Variants in B3GLCT observed in about 807,000 individuals in gnomAD.
B3GLCT encodes the protein beta-1,3-glucosyltransferase.
In B3GLCT, 65 loss-of-function variants were observed where a neutral mutation model predicts 63.4. That is an observed-to-expected ratio of 1.03 (90% CI 0.84 to 1.26). The LOEUF is 1.26. B3GLCT is among the 50% of genes most tolerant of loss of function. B3GLCT has a pLI of 0.00. For missense variants in B3GLCT, 577 were observed against 604.8 expected, an observed-to-expected ratio of 0.95 and a Z score of 0.48; for synonymous variants, 233 against 219.2, an observed-to-expected ratio of 1.06 and a Z score of -0.55.
At chr13:31,243,114 G>T (rs1374700305) in intron 4 of B3GLCT, among the ~76,000 whole-genome samples, 1 of 152,180 alleles carries the variant, frequency 6.6e-6, no homozygotes, top group Non-Finnish European at 1.5e-5. Flanking sequence ...GCTCAGTTCA[G>T]TGCCTCAGAA....
chr13:31,282,150 G>C (rs1264051015), intron 10 of B3GLCT, among the ~76,000 whole-genome samples: 1 of 152,096 alleles, frequency 6.6e-6, no homozygotes, highest in Non-Finnish European at 1.5e-5. Context: ...TCAAAGTTTA[G>C]TATCTTTAGG....
intron 3 of B3GLCT, among the ~76,000 whole-genome samples, chr13:31,228,447 T>C (rs985173699): frequency 2.0e-5 from 3 of 152,204 alleles, no homozygotes; most frequent in Non-Finnish European, 2.9e-5. Context: ...CAGAAATGTA[T>C]TGTCTCACAG....
intron 1 of B3GLCT, among the ~76,000 whole-genome samples, chr13:31,211,659 A>C (rs1348208922): frequency 6.6e-6 from 1 of 151,946 alleles, no homozygotes; most frequent in Non-Finnish European, 1.5e-5. Flanking sequence ...ATCTAGTTTA[A>C]CTTAGCTCAG....
chr13:31,321,692 A>G (rs529359521), intron 13 of B3GLCT, among the ~76,000 whole-genome samples: 73 of 152,324 alleles, frequency 4.8e-4, no homozygotes, highest in Non-Finnish European at 8.8e-4. Context: ...CGAGTCAGAC[A>G]TGTAGGTTCC....
chr13:31,242,078 T>C (rs1870977407), intron 4 of B3GLCT, among the ~76,000 whole-genome samples: 1 of 152,220 alleles, frequency 6.6e-6, no homozygotes, highest in African/African-American at 2.4e-5. Context: ...TCTTGCCGTT[T>C]TGCAGAGAGG....
intron 1 of B3GLCT, among the ~76,000 whole-genome samples, chr13:31,214,707 A>AGAAG (rs1367818420): frequency 1.3e-5 from 2 of 152,248 alleles, no homozygotes; most frequent in African/African-American, 4.8e-5. Flanking sequence ...CCTTTGCTTA[A>AGAAG]GAAGGCACCA....
At chr13:31,213,011 T>C (rs1869350796) in intron 1 of B3GLCT, among the ~76,000 whole-genome samples, 1 of 141,898 alleles carries the variant, frequency 7.0e-6, no homozygotes, top group Admixed American at 7.0e-5. Flanking sequence ...GAAGAAATGA[T>C]TGGGCTTTGT....
intron 2 of B3GLCT, among the ~76,000 whole-genome samples, chr13:31,219,195 C>T (rs904610988): frequency 6.6e-6 from 1 of 152,144 alleles, no homozygotes; most frequent in African/African-American, 2.4e-5. Context: ...TAAAAATCTT[C>T]AACAAAAACG....
rs375699901 is a variant in B3GLCT, at chr13:31,234,576, C to T, written c.270+5282C>T. ...AAGGTGGCCAGGTGAGAGGTGGAAG[C>T]ACAGGTGTGTGGGCTGTGATGCTGT... On this transcript the variant is annotated intron_variant, in intron 4 of 14. Coordinates refer to ENST00000343307, the MANE Select transcript of B3GLCT (RefSeq NM_194318.4). Among the ~76,000 whole-genome samples, 34 of 152,192 alleles carry T rather than the reference C, an allele frequency of 2.2e-4. No homozygotes were observed. In the East Asian group the frequency reaches 6.4e-3, roughly 29 times the overall value.
At chr13:31,231,410 G>C (rs1483293959) in intron 4 of B3GLCT, among the ~76,000 whole-genome samples, 3 of 152,164 alleles carry the variant, frequency 2.0e-5, no homozygotes, top group African/African-American at 7.2e-5. Flanking sequence ...TCTTTTTGCA[G>C]ATACAGATTT....
rs370978491 is a variant in B3GLCT at position 31,229,204 on chromosome 13, C to T, written c.180C>T (p.Phe60=). The T allele has an allele frequency of 7.4e-5, 119 of 1,607,206 alleles. 1 individual carries two copies. The highest frequency in any genetic ancestry group is 5.7e-4 in the South Asian group (52 of 90,900). Reference sequence around the variant, plus strand: ...TTCTAGACTTAAAAGGAATTGTATTCGTCATCCAGAGTCAAAGTAATTCTT... The same window carrying T: ...TTCTAGACTTAAAAGGAATTGTATTTGTCATCCAGAGTCAAAGTAATTCTT... ...KNDIDLKGIV[F]VIQSQSNSFH... is the part of the protein sequence containing the mutation. Residue 60 remains phenylalanine, a synonymous_variant, in exon 4 of 15, where the codon TTC becomes TTT. Transcript: ENST00000343307.
chr13:31,258,958 CT>C (rs1031646520), intron 6 of B3GLCT, among the ~76,000 whole-genome samples: 1 of 152,084 alleles, frequency 6.6e-6, no homozygotes, highest in Non-Finnish European at 1.5e-5. Flanking sequence ...TGCCATAGCT[CT>C]TTTCTTCCCT....
intron 12 of B3GLCT, among the ~76,000 whole-genome samples, chr13:31,297,458 G>GA (rs1362845470): frequency 2.0e-5 from 3 of 150,874 alleles, no homozygotes; most frequent in South Asian, 2.1e-4. Context: ...AGTTGGTTAG[G>GA]AAAAAACTGA....
chr13:31,301,956 G>A (rs1874242703), intron 12 of B3GLCT, among the ~76,000 whole-genome samples: 1 of 152,078 alleles, frequency 6.6e-6, no homozygotes, highest in Non-Finnish European at 1.5e-5. Context: ...TGAGTCCCAT[G>A]GCTCTCCCCT....
intron 14 of B3GLCT, among the ~76,000 whole-genome samples, chr13:31,326,575 C>T (rs1471667013): frequency 6.6e-6 from 1 of 152,126 alleles, no homozygotes; most frequent in Non-Finnish European, 1.5e-5. Context: ...GCCACCACAC[C>T]TGGCTGTAGG....
In B3GLCT at chr13:31,199,992, G is replaced by A; in HGVS notation, c.-93G>A. On this transcript the variant is annotated 5_prime_UTR_variant, in exon 1 of 15. Coordinates refer to ENST00000343307, the MANE Select transcript of B3GLCT (RefSeq NM_194318.4). ...GAGCCGGCAGAGAAGGGTCAGCCGC[G>A]GCGGCAGGGCGGCGGCGGCAGCGGC... The A allele has an allele frequency of 1.4e-6, 1 of 718,284 alleles. No homozygotes were observed. The highest frequency in any genetic ancestry group is 1.8e-6 in the Non-Finnish European group (1 of 540,688). The allele number at this position is 718,284 out of a possible 1,614,324, so 44.5% of individuals were successfully genotyped here. A position where few individuals can be genotyped will look rare whatever the true frequency, so the allele number is the denominator to read the frequency against.
In B3GLCT at chr13:31,229,748, C is replaced by CA. The variant is rs1410655104; in HGVS notation, c.270+466dup. Among the ~76,000 whole-genome samples the CA allele has an allele frequency of 2.1e-3, 230 of 111,044 alleles. 3 individuals are homozygous for CA. Among genetic ancestry groups the CA allele is most frequent in the Middle Eastern group, 5.1e-3 (1 of 198 alleles). 72.8% of individuals were successfully genotyped at this position (111,044 alleles called of 152,430 possible). A position where few individuals can be genotyped will look rare whatever the true frequency, so the allele number is the denominator to read the frequency against. ...GTGACAGAGTGGGACTCCTCTGTCT[C>CA]AAAAAAAAAAAAGGAAAAAAACGTT... On this transcript the variant is annotated intron_variant, in intron 4 of 14. Transcript: ENST00000343307.
chr13:31,214,111 C>G (rs192722733), intron 1 of B3GLCT, among the ~76,000 whole-genome samples: 499 of 152,238 alleles, frequency 3.3e-3, no homozygotes, highest in African/African-American at 0.012. Context: ...CCTCTGCCAC[C>G]CAGGGAGCCC....
intron 2 of B3GLCT, among the ~76,000 whole-genome samples, chr13:31,222,239 C>T (rs909544298): frequency 6.6e-5 from 10 of 152,046 alleles, no homozygotes; most frequent in African/African-American, 1.5e-4. Context: ...CCATCATGCC[C>T]GGCTAACTTT....
Sources: gnomAD v4.1 joint callset for allele counts (sites outside exome capture counted in the v4.1 genomes callset) on GRCh38, gnomAD v4.1.1 for gene constraint, MANE v1.5 for transcripts, NCBI Gene and HGNC (gene_info 2026-07-23, HGNC 2026-07-21) for gene names.